The following PAPPA variants were observed in gnomAD, a reference collection of about 807,000 sequenced individuals.
The protein encoded by PAPPA is pappalysin 1, also known as pappalysin-1.
Under a neutral mutation model 164.0 loss-of-function variants are expected in PAPPA, and 60 were observed. The ratio of observed to expected loss-of-function variants is 0.37; its 90% CI spans 0.30 to 0.45. The LOEUF (loss-of-function observed/expected upper bound fraction) is 0.45, where lower values mean the gene tolerates loss of function less well. Among genes scored for constraint, PAPPA ranks in the 20% least tolerant of loss-of-function variants. The pLI is 1.00. For synonymous variants in PAPPA, 875 were observed against 814.1 expected, an observed-to-expected ratio of 1.07 and a Z score of -1.27; for missense variants, 1,782 against 2,087.3, an observed-to-expected ratio of 0.85 and a Z score of 2.85.
chr9:116,173,867 A>T (rs1039616622), intron 1 of PAPPA, among the ~76,000 whole-genome samples: 2 of 152,134 alleles, frequency 1.3e-5, no homozygotes, highest in Non-Finnish European at 2.9e-5. Context: ...CTACTATAGA[A>T]CTCGCTTTAT....
intron 8 of PAPPA, among the ~76,000 whole-genome samples, chr9:116,267,109 G>A (rs1331139): frequency 0.086 from 13,149 of 152,274 alleles, 1,447 homozygotes; most frequent in African/African-American, 0.25. Flanking sequence ...AACCACTGAT[G>A]TGTAGAACAT....
chr9:116,202,455 G>T (rs542750097), intron 2 of PAPPA, among the ~76,000 whole-genome samples: 2 of 152,174 alleles, frequency 1.3e-5, no homozygotes, highest in Non-Finnish European at 2.9e-5. Context: ...TTGAAATGCA[G>T]TTCTGGCAAA....
chr9:116,320,728 A>G (rs1845844335), intron 10 of PAPPA, among the ~76,000 whole-genome samples: 1 of 152,006 alleles, frequency 6.6e-6, no homozygotes, highest in African/African-American at 2.4e-5. Context: ...AAGTGTGTAA[A>G]AAGGAAGTGT....
In PAPPA at chr9:116,219,975, G is replaced by A. The variant is rs913163445; in HGVS notation, c.1957G>A (p.Ala653Thr). The change falls in exon 5 of 22, where the codon GCC becomes ACC. Residue 653 changes from alanine (A) to threonine (T), a missense_variant. Ala to Thr is a moderately conservative substitution (Grantham distance 58). Around this residue, in one of 2 missense-constraint regions of PAPPA, gnomAD observed 1,324 missense variants for 1,656.9 expected, o/e 0.80. Coordinates refer to ENST00000328252, the MANE Select transcript of PAPPA (RefSeq NM_002581.5). ...CTDSFTPNQV[A>T]RMHCYLDLVY... ...GGACTCCTTCACGCCCAATCAAGTC[G>A]CCAGAATGCACTGTTACCTGGACCT... The A allele has an allele frequency of 2.5e-6, 4 of 1,613,832 alleles. No individual in the cohort carries two copies. Among genetic ancestry groups the A allele is most frequent in the East Asian group, 2.2e-5 (1 of 44,872 alleles).
chr9:116,284,545 C>CTTTTTTTTTTTTTTT (rs61248033), intron 9 of PAPPA, among the ~76,000 whole-genome samples: 3 of 88,240 alleles, frequency 3.4e-5, no homozygotes, highest in African/African-American at 4.6e-5. Context: ...TAGTCTGGGC[C>CTTTTTTTTTTTTTTT]TTTTTTTTTT....
At chr9:116,322,287 G>T (rs1329455070) in intron 10 of PAPPA, among the ~76,000 whole-genome samples, 1 of 151,912 alleles carries the variant, frequency 6.6e-6, no homozygotes, top group Non-Finnish European at 1.5e-5. Context: ...GCAGGAGCCT[G>T]TAATCCCAGC....
chr9:116,332,461 C>T lies in PAPPA; in HGVS notation c.3390C>T (p.His1130=), dbSNP rs768320862. 24 of 1,612,580 alleles carry T rather than the reference C, an allele frequency of 1.5e-5. No homozygotes were observed. The highest frequency in any genetic ancestry group is 1.6e-4 in the Middle Eastern group (1 of 6,078). Residue 1130 remains histidine (H), a synonymous_variant, in exon 12 of 22, where the codon CAC becomes CAT. Coordinates refer to ENST00000328252, the MANE Select transcript of PAPPA (RefSeq NM_002581.5). Reference sequence around the variant, plus strand: ...TGCTTGATACCAAAGATCAGAGCCACGATCTAGGTAAGCATGCTCTCTTGG... The same window carrying T: ...TGCTTGATACCAAAGATCAGAGCCATGATCTAGGTAAGCATGCTCTCTTGG... The part of the protein sequence containing the change: ...VQLLDTKDQS[H]DLGLHVLSCR...
intron 7 of PAPPA, among the ~76,000 whole-genome samples, chr9:116,241,852 G>A (rs978816399): frequency 2.0e-5 from 3 of 152,080 alleles, no homozygotes; most frequent in African/African-American, 7.2e-5. Context: ...CTTGAGCTGA[G>A]TCACCACTTT....
intron 21 of PAPPA, among the ~76,000 whole-genome samples, chr9:116,383,022 T>C (rs1294333558): frequency 6.6e-6 from 1 of 152,188 alleles, no homozygotes; most frequent in Non-Finnish European, 1.5e-5. Flanking sequence ...TTATTATCTA[T>C]CTTATTTGTC....
Position 116,268,760 on chromosome 9 carries a change from G to A in PAPPA, c.2862-2565G>A, listed in dbSNP as rs1845103029. Among the ~76,000 whole-genome samples, 4 of 139,532 alleles carry A rather than the reference G, an allele frequency of 2.9e-5. No homozygotes were observed. The South Asian group carries it at 8.8e-4, about 31-fold the overall frequency. The allele number at this position is 139,532 out of a possible 152,430, so 91.5% of individuals were successfully genotyped here. On this transcript the variant is annotated intron_variant, in intron 8 of 21. Coordinates refer to ENST00000328252, the MANE Select transcript of PAPPA (RefSeq NM_002581.5). Reference sequence around the variant, plus strand: ...TATCTTTCATAAACATCAAACACATGTTCAGTTACCTGTAGATATCAAATA... The same window carrying A: ...TATCTTTCATAAACATCAAACACATATTCAGTTACCTGTAGATATCAAATA...
chr9:116,355,568 C>T (rs963946984), intron 17 of PAPPA, among the ~76,000 whole-genome samples: 8 of 152,206 alleles, frequency 5.3e-5, no homozygotes, highest in Non-Finnish European at 1.0e-4. Context: ...GAGATTACCA[C>T]GGCCTCTTGC....
intron 7 of PAPPA, among the ~76,000 whole-genome samples, chr9:116,262,753 G>A (rs1845017798): frequency 1.3e-5 from 2 of 152,160 alleles, no homozygotes; most frequent in African/African-American, 4.8e-5. Flanking sequence ...TCAAGTGATA[G>A]CATAAGGCTT....
intron 10 of PAPPA, among the ~76,000 whole-genome samples, chr9:116,314,391 C>A (rs1022115103): frequency 2.0e-5 from 3 of 152,052 alleles, no homozygotes; most frequent in African/African-American, 7.2e-5. Context: ...TTTAAAATGA[C>A]ATTTCTCTTT....
At chr9:116,311,174 A>T (rs1845713870) in intron 10 of PAPPA, among the ~76,000 whole-genome samples, 1 of 151,846 alleles carries the variant, frequency 6.6e-6, no homozygotes, top group South Asian at 2.1e-4. Context: ...GGTTTTGATT[A>T]AACAACTTCC....
At chr9:116,357,017 T>A (rs556852612) in intron 17 of PAPPA, among the ~76,000 whole-genome samples, 1 of 152,344 alleles carries the variant, frequency 6.6e-6, no homozygotes, top group South Asian at 2.1e-4. Context: ...GAGGCCAGGA[T>A]GTGGAGTAGA....
At chr9:116,255,396 G>C (rs1844916006) in intron 7 of PAPPA, among the ~76,000 whole-genome samples, 1 of 151,902 alleles carries the variant, frequency 6.6e-6, no homozygotes, top group South Asian at 2.1e-4. Flanking sequence ...TGGAAAATTT[G>C]GTAAAGTAAC....
chr9:116,326,485 C>T (rs1233706438), intron 10 of PAPPA, among the ~76,000 whole-genome samples: 1 of 152,064 alleles, frequency 6.6e-6, no homozygotes, highest in Non-Finnish European at 1.5e-5. Flanking sequence ...TAAATCTGTA[C>T]CAGGGGTTCA....
At position 116,397,778 on chromosome 9, in the gene PAPPA, G is replaced by C. The variant is rs1846985735; in HGVS notation, c.*1162G>C. The C allele has an allele frequency of 6.6e-6, 1 of 152,636 alleles. No individual in the cohort carries two copies. Among genetic ancestry groups the C allele is most frequent in the Admixed American group, 6.5e-5 (1 of 15,276 alleles). 9.5% of individuals were successfully genotyped at this position (152,636 alleles called of 1,614,324 possible). On this transcript the variant is annotated 3_prime_UTR_variant, in exon 22 of 22. Transcript: ENST00000328252. The stretch of plus-strand genomic sequence containing the variant: ...AGTGTTAAATTTCTATGATGTTGGA[G>C]CCATCCAGAGACTACTGGAATTGTC...
intron 19 of PAPPA, among the ~76,000 whole-genome samples, chr9:116,370,443 G>A (rs1401129547): frequency 6.6e-6 from 1 of 152,230 alleles, no homozygotes; most frequent in Non-Finnish European, 1.5e-5. Context: ...TCTATGAAAT[G>A]TAGAGTAATA....
Sources: allele counts gnomAD v4.1 joint callset (sites outside exome capture counted in the v4.1 genomes callset), GRCh38; gene constraint gnomAD v4.1.1; regional missense constraint gnomAD v4.1.1; transcripts MANE v1.5; gene names NCBI Gene and HGNC (gene_info 2026-07-23, HGNC 2026-07-21).